The following MCUB variants were observed in gnomAD, a reference collection of about 807,000 sequenced individuals.
MCUB encodes calcium uniporter regulatory subunit MCUb, mitochondrial.
Under a neutral mutation model 41.4 loss-of-function variants are expected in MCUB, and 46 were observed. The ratio of observed to expected loss-of-function variants is 1.11; its 90% CI spans 0.88 to 1.42. The LOEUF is 1.42. Among genes scored for constraint, MCUB ranks in the 40% most tolerant of loss-of-function variants. The pLI is 0.00. For missense variants in MCUB, 403 were observed against 404.9 expected, an observed-to-expected ratio of 1.00 and a Z score of 0.04; for synonymous variants, 148 against 148.2, an observed-to-expected ratio of 1.00 and a Z score of 0.01.
At chr4:109,626,202 A>G (rs1728356204) in intron 1 of MCUB, among the ~76,000 whole-genome samples, 1 of 152,216 alleles carries the variant, frequency 6.6e-6, no homozygotes, top group South Asian at 2.1e-4. Context: ...AGTTCTCACC[A>G]ATCCCAAATT....
intron 1 of MCUB, among the ~76,000 whole-genome samples, chr4:109,573,379 G>C (rs1726958069): frequency 6.6e-6 from 1 of 151,868 alleles, no homozygotes; most frequent in African/African-American, 2.4e-5. Flanking sequence ...CGTAAACCTG[G>C]GAGGTGGAGC....
chr4:109,659,545 G>A (rs1019361986), intron 2 of MCUB, among the ~76,000 whole-genome samples: 2 of 152,132 alleles, frequency 1.3e-5, no homozygotes, highest in South Asian at 2.1e-4. Context: ...AGCCATGATC[G>A]TGCCACTCCA....
intron 1 of MCUB, among the ~76,000 whole-genome samples, chr4:109,566,344 C>T (rs1184186792): frequency 1.3e-5 from 2 of 151,432 alleles, no homozygotes; most frequent in Non-Finnish European, 2.9e-5. Context: ...GTGGCGGGCG[C>T]CTGTAGTCCC....
chr4:109,560,969 T>A (rs1726612868), intron 1 of MCUB: 1 of 152,110 alleles, frequency 6.6e-6, no homozygotes, highest in Admixed American at 6.5e-5. Flanking sequence ...GAAGAAAAAC[T>A]CGCGTTTTGT....
intron 1 of MCUB, among the ~76,000 whole-genome samples, chr4:109,620,302 T>G (rs1728226140): frequency 6.6e-6 from 1 of 152,010 alleles, no homozygotes; most frequent in Non-Finnish European, 1.5e-5. Context: ...GTGAGGCCTG[T>G]CTGTACATCC....
chr4:109,568,438 C>G (rs1488751324), intron 1 of MCUB, among the ~76,000 whole-genome samples: 1 of 152,094 alleles, frequency 6.6e-6, no homozygotes, highest in African/African-American at 2.4e-5. Context: ...TGAGCTAATT[C>G]CTCTTCTTCT....
intron 1 of MCUB, among the ~76,000 whole-genome samples, chr4:109,613,201 T>A (rs1332914633): frequency 6.6e-6 from 1 of 152,000 alleles, no homozygotes; most frequent in Non-Finnish European, 1.5e-5. Flanking sequence ...AATATTGGAG[T>A]AGAAAGTAGA....
chr4:109,616,225 A>G (rs1025862460), intron 1 of MCUB, among the ~76,000 whole-genome samples: 1 of 152,178 alleles, frequency 6.6e-6, no homozygotes, highest in Non-Finnish European at 1.5e-5. Flanking sequence ...TTCCTTTCCC[A>G]GGAACCAGCT....
At chr4:109,673,218 C>G (rs1479992475) in intron 4 of MCUB, among the ~76,000 whole-genome samples, 1 of 152,210 alleles carries the variant, frequency 6.6e-6, no homozygotes, top group Non-Finnish European at 1.5e-5. Flanking sequence ...AGGTCTTTCA[C>G]TTGCTGTTCT....
At position 109,576,971 on chromosome 4, in the gene MCUB, C is replaced by A. The variant is rs549343670; in HGVS notation, c.99+16535C>A. Among the ~76,000 whole-genome samples the A allele has an allele frequency of 1.9e-3, 288 of 152,278 alleles. 1 individual carries two copies. The highest frequency in any genetic ancestry group is 2.4e-3 in the Non-Finnish European group (166 of 68,028). On this transcript the variant is annotated intron_variant, in intron 1 of 7. Coordinates refer to ENST00000394650, the MANE Select transcript of MCUB (RefSeq NM_017918.5). ...GGTTCAAGTGATCCTCCCACCTCAG[C>A]CTCCTGAGTAGATGGGATTACAAGC...
At chr4:109,634,909 C>A (rs1486012328) in intron 1 of MCUB, among the ~76,000 whole-genome samples, 5 of 152,094 alleles carry the variant, frequency 3.3e-5, no homozygotes, top group Non-Finnish European at 7.3e-5. Flanking sequence ...ACCCATCAAC[C>A]CGTCATCTAC....
At chr4:109,588,322 G>A (rs565110251) in intron 1 of MCUB, among the ~76,000 whole-genome samples, 2 of 152,158 alleles carry the variant, frequency 1.3e-5, no homozygotes, top group African/African-American at 4.8e-5. Context: ...CTCATTTTGC[G>A]GTGGTGATGC....
intron 1 of MCUB, among the ~76,000 whole-genome samples, chr4:109,623,127 A>C (rs72674817): frequency 0.099 from 15,032 of 152,206 alleles, 860 homozygotes; most frequent in Non-Finnish European, 0.13. Context: ...TGGGACTTTC[A>C]CGATCCATGA....
chr4:109,637,147 A>G (rs1728612330), intron 1 of MCUB, among the ~76,000 whole-genome samples: 1 of 152,220 alleles, frequency 6.6e-6, no homozygotes, highest in African/African-American at 2.4e-5. Flanking sequence ...TTACCTGCTG[A>G]TGAGGAAGAT....
In MCUB at chr4:109,674,041, G is replaced by A. The variant is rs191244186; in HGVS notation, c.452-8541G>A. The A allele has an allele frequency of 1.2e-4, 166 of 1,342,646 alleles. No homozygotes were observed. The African/African-American group carries it at 2.3e-3, about 19-fold the overall frequency. The allele number at this position is 1,342,646 out of a possible 1,614,324, so 83.2% of individuals were successfully genotyped here. On this transcript the variant is annotated intron_variant, in intron 4 of 7. Transcript: ENST00000394650. ...TCATCTGATCCACATGCGTGTGGTA[G>A]CCCAAGGCTTTGTTGTAGGAGCAAT... is the stretch of plus-strand genomic sequence containing the variant.
At position 109,610,367 on chromosome 4, in the gene MCUB, G is replaced by A. The variant is rs114495498; in HGVS notation, c.100-48644G>A. ...TCCTGTTGGAGGTTGGGGAGGATCCGTGGCAGCTTGGATCTGGCCATTTTC... is the reference window on the plus strand; with the variant it reads ...TCCTGTTGGAGGTTGGGGAGGATCCATGGCAGCTTGGATCTGGCCATTTTC... On this transcript the variant is annotated intron_variant, in intron 1 of 7. Coordinates refer to ENST00000394650, the MANE Select transcript of MCUB (RefSeq NM_017918.5). 6.9e-3 allele frequency among the ~76,000 whole-genome samples: 1,047 copies of A among 152,302 alleles called. 10 individuals carry two copies. The highest frequency in any genetic ancestry group is 0.023 in the African/African-American group (955 of 41,560).
rs1292239314 is a variant in MCUB at position 109,612,267 on chromosome 4, T to TC, written c.100-46744_100-46743insC. ...TTTCTTCCTCCTCCTCCTTTTCTTT[T>TC]TTTTTTTTTTTTTTTGAGAGCGTCT... is the stretch of plus-strand genomic sequence containing the variant. On this transcript the variant is annotated intron_variant, in intron 1 of 7. Coordinates refer to ENST00000394650, the MANE Select transcript of MCUB (RefSeq NM_017918.5). 1.4e-3 allele frequency among the ~76,000 whole-genome samples: 197 copies of TC among 144,982 alleles called. 1 individual carries two copies. Among genetic ancestry groups the TC allele is most frequent in the East Asian group, 6.8e-3 (34 of 5,016 alleles).
intron 1 of MCUB, among the ~76,000 whole-genome samples, chr4:109,569,013 A>C (rs908878548): frequency 6.6e-6 from 1 of 152,206 alleles, no homozygotes; most frequent in Non-Finnish European, 1.5e-5. Context: ...AAGAACCTTT[A>C]TACATATTAC....
At chr4:109,618,812 C>A (rs959637568) in intron 1 of MCUB, among the ~76,000 whole-genome samples, 2 of 152,126 alleles carry the variant, frequency 1.3e-5, no homozygotes, top group African/African-American at 4.8e-5. Flanking sequence ...TCTATAGAAT[C>A]TTTCTTGCTT....
Sources: gnomAD v4.1 joint callset for allele counts (sites outside exome capture counted in the v4.1 genomes callset) on GRCh38, gnomAD v4.1.1 for gene constraint, MANE v1.5 for transcripts, NCBI Gene and HGNC (gene_info 2026-07-23, HGNC 2026-07-21) for gene names.